NFIA: variants seen among roughly 807,000 people sequenced by gnomAD.
NFIA encodes nuclear factor I A.
In NFIA, 8 loss-of-function variants were observed where a neutral mutation model predicts 62.8. The observed-to-expected ratio is 0.13, with a 90% CI of 0.07 to 0.23. The LOEUF (loss-of-function observed/expected upper bound fraction) is 0.23. NFIA is among the 10% of genes least tolerant of loss of function. NFIA has a pLI of 1.00. For missense variants in NFIA, 410 were observed against 642.1 expected, an observed-to-expected ratio of 0.64 and a Z score of 3.91; for synonymous variants, 235 against 238.1, an observed-to-expected ratio of 0.99 and a Z score of 0.12.
In NFIA at chr1:61,417,265, T is replaced by TTGTGTGTGTG. The variant is rs5774557; in HGVS notation, c.1421-9184_1421-9175dup. On this transcript the variant is annotated intron_variant, in intron 9 of 10. Transcript: ENST00000403491. ...ACATTTTGGTTTTGTTTCCTCATCT[T>TTGTGTGTGTG]TGTGTGTGTGTGTGTGTGTGTGTGT... 4.2e-3 allele frequency among the ~76,000 whole-genome samples: 580 copies of TTGTGTGTGTG among 139,190 alleles called. 8 individuals are homozygous for TTGTGTGTGTG. Among genetic ancestry groups the TTGTGTGTGTG allele is most frequent in the East Asian group, 0.041 (194 of 4,770 alleles). 91.3% of individuals were successfully genotyped at this position (139,190 alleles called of 152,430 possible).
chr1:61,246,895 A>G (rs1448354066), intron 2 of NFIA, among the ~76,000 whole-genome samples: 1 of 152,172 alleles, frequency 6.6e-6, no homozygotes, highest in Non-Finnish European at 1.5e-5. Context: ...TAAGCATTGT[A>G]TGACTTTTTA....
chr1:61,362,968 G>A (rs1663379834), intron 6 of NFIA, among the ~76,000 whole-genome samples: 1 of 152,124 alleles, frequency 6.6e-6, no homozygotes, highest in African/African-American at 2.4e-5. Context: ...CCAATACACA[G>A]CGCCCACATT....
At chr1:61,081,042 GT>G (rs1470122897), upstream of NFIA, among the ~76,000 whole-genome samples, 1 of 152,002 alleles carries the variant, frequency 6.6e-6, no homozygotes, top group Non-Finnish European at 1.5e-5. Context: ...CTCTGGTTAT[GT>G]CACCTCCACC....
intron 5 of NFIA, among the ~76,000 whole-genome samples, chr1:61,358,311 A>C (rs1403275272): frequency 8.5e-6 from 1 of 118,036 alleles, no homozygotes; most frequent in Non-Finnish European, 1.8e-5. Context: ...CAAGTGGAAG[A>C]TGGGAAAATG....
At chr1:61,287,559 C>T (rs529015958) in intron 3 of NFIA, among the ~76,000 whole-genome samples, 4 of 152,140 alleles carry the variant, frequency 2.6e-5, no homozygotes, top group African/African-American at 9.6e-5. Flanking sequence ...AATCCCAGCA[C>T]TTTGGGAGGC....
At chr1:61,242,016 G>T (rs990329026) in intron 2 of NFIA, among the ~76,000 whole-genome samples, 3 of 152,042 alleles carry the variant, frequency 2.0e-5, no homozygotes, top group Non-Finnish European at 4.4e-5. Flanking sequence ...GCCTGAAGTG[G>T]CACAAACTTT....
chr1:61,161,563 C>G (rs1228628620), intron 2 of NFIA, among the ~76,000 whole-genome samples: 2 of 149,926 alleles, frequency 1.3e-5, no homozygotes, highest in Non-Finnish European at 3.0e-5. Flanking sequence ...TCCTCTCTTT[C>G]TCTCTAGACA....
chr1:61,171,205 G>T (rs568574280), intron 2 of NFIA, among the ~76,000 whole-genome samples: 1 of 152,198 alleles, frequency 6.6e-6, no homozygotes, highest in African/African-American at 2.4e-5. Flanking sequence ...AAATAAAAAG[G>T]ACTGTGGAAA....
At chr1:61,187,526 C>T (rs1258710546) in intron 2 of NFIA, among the ~76,000 whole-genome samples, 1 of 152,150 alleles carries the variant, frequency 6.6e-6, no homozygotes, top group Non-Finnish European at 1.5e-5. Context: ...TGGAGATGCG[C>T]TCCGTTTAGA....
At chr1:61,374,991 G>A (rs757245023) in intron 6 of NFIA, among the ~76,000 whole-genome samples, 1 of 152,142 alleles carries the variant, frequency 6.6e-6, no homozygotes, top group Non-Finnish European at 1.5e-5. Flanking sequence ...AACGTGTGGT[G>A]TCTTCAACGA....
chr1:61,325,087 A>G (rs1660861837), intron 3 of NFIA, among the ~76,000 whole-genome samples: 1 of 152,218 alleles, frequency 6.6e-6, no homozygotes, highest in Non-Finnish European at 1.5e-5. Context: ...CTGGCTTTTT[A>G]TCTGAGACAT....
At chr1:61,412,719 G>T (rs1208187747) in intron 9 of NFIA, among the ~76,000 whole-genome samples, 1 of 152,150 alleles carries the variant, frequency 6.6e-6, no homozygotes. Context: ...GGGTTTTTCT[G>T]TGTGTATCAT....
chr1:61,348,584 C>T (rs887934104), intron 4 of NFIA, among the ~76,000 whole-genome samples: 4 of 152,202 alleles, frequency 2.6e-5, no homozygotes, highest in Admixed American at 2.6e-4. Flanking sequence ...TATTTTTTAA[C>T]ATCTGGAAGG....
At chr1:61,188,432 A>AT (rs1294101313) in intron 2 of NFIA, among the ~76,000 whole-genome samples, 6 of 151,686 alleles carry the variant, frequency 4.0e-5, no homozygotes, top group African/African-American at 7.3e-5. Flanking sequence ...GATGCTAGGA[A>AT]TTTTTTTTTC....
chr1:61,386,196 G>C (rs1664676687), intron 7 of NFIA, among the ~76,000 whole-genome samples: 2 of 152,162 alleles, frequency 1.3e-5, no homozygotes, highest in South Asian at 4.1e-4. Context: ...GTAAGACGTG[G>C]TGTTTTAGGA....
At chr1:61,314,091 C>T (rs74086721) in intron 3 of NFIA, among the ~76,000 whole-genome samples, 13,164 of 152,142 alleles carry the variant, frequency 0.087, 733 homozygotes, top group East Asian at 0.19. Flanking sequence ...TTCTTACAAC[C>T]ACAAAAAAAC....
chr1:61,193,220 A>G (rs1008301665), intron 2 of NFIA, among the ~76,000 whole-genome samples: 2 of 152,222 alleles, frequency 1.3e-5, no homozygotes, highest in African/African-American at 4.8e-5. Context: ...GCTTATGAAA[A>G]TTGTTATCTC....
chr1:61,246,200 A>T (rs997356399), intron 2 of NFIA, among the ~76,000 whole-genome samples: 4 of 152,140 alleles, frequency 2.6e-5, no homozygotes, highest in Admixed American at 2.6e-4. Context: ...ATCTAATAAT[A>T]ATGCTGTTTA....
chr1:61,181,766 T>TC (rs1259621466), intron 2 of NFIA, among the ~76,000 whole-genome samples: 1 of 152,120 alleles, frequency 6.6e-6, no homozygotes, highest in Admixed American at 6.6e-5. Flanking sequence ...ATAAAGAAAT[T>TC]CCTGTGATAG....
Sources: gnomAD v4.1 joint callset for allele counts (sites outside exome capture counted in the v4.1 genomes callset) on GRCh38, gnomAD v4.1.1 for gene constraint, MANE v1.5 for transcripts, NCBI Gene and HGNC (gene_info 2026-07-23, HGNC 2026-07-21) for gene names.